The following MAT2B variants were observed in gnomAD, a reference collection of about 807,000 sequenced individuals.
The protein encoded by MAT2B is methionine adenosyltransferase 2 subunit beta.
A neutral mutation model predicts 36.1 loss-of-function variants in MAT2B; 16 were observed. The observed-to-expected ratio is 0.44, with a 90% CI of 0.30 to 0.67. MAT2B has a LOEUF of 0.67. Among genes scored for constraint, MAT2B ranks in the 30% least tolerant of loss-of-function variants. The pLI, the probability that MAT2B is intolerant of heterozygous loss-of-function variation, is 0.09. For missense variants in MAT2B, 332 were observed against 398.2 expected (o/e 0.83, Z 1.42); for synonymous variants, 148 against 136.9 (o/e 1.08, Z -0.57).
chr5:163,506,577 A>G (rs955449493), intron 1 of MAT2B, among the ~76,000 whole-genome samples: 5 of 152,194 alleles, frequency 3.3e-5, no homozygotes, highest in African/African-American at 1.2e-4. Flanking sequence ...TAGAGAATAT[A>G]GGAGATGGCT....
chr5:163,517,450 A>G (rs1408756117), intron 5 of MAT2B, 111 bp from the exon 6 acceptor site: 1 of 559,102 alleles, frequency 1.8e-6, no homozygotes, highest in Non-Finnish European at 3.3e-6. Flanking sequence ...CCAGAAAAAG[A>G]GGGTTGCCTT....
rs748792430 is a variant in MAT2B, at chr5:163,511,999, T to G, written c.64-3T>G. On this transcript the variant is annotated splice_region_variant and splice_polypyrimidine_tract_variant and intron_variant, in intron 1 of 6. Coordinates refer to ENST00000321757, the MANE Select transcript of MAT2B (RefSeq NM_013283.5). ...ACTCTTTCTATCCGCCTTCACCTTTTAGGAGGAAGTTAACATCCCTAATAG... is the reference window on the plus strand; with the variant it reads ...ACTCTTTCTATCCGCCTTCACCTTTGAGGAGGAAGTTAACATCCCTAATAG... 1.9e-6 allele frequency: 3 copies of G among 1,609,216 alleles called. No homozygotes were observed. In the East Asian group the frequency reaches 6.7e-5, roughly 36 times the overall value.
intron 1 of MAT2B, among the ~76,000 whole-genome samples, chr5:163,509,203 CTTCACAGAGTCAGTGAA>C (rs1287096453): frequency 2.0e-5 from 3 of 151,504 alleles, no homozygotes; most frequent in African/African-American, 7.3e-5. Flanking sequence ...TGAAACTGTA[CTTCACAGAGTCAGTGAA>C]GTACACAGAT....
intron 4 of MAT2B, among the ~76,000 whole-genome samples, chr5:163,516,163 AGCCTCCCAAGTAGCTGG>A (rs1255777716): frequency 1.3e-5 from 2 of 152,094 alleles, no homozygotes; most frequent in African/African-American, 4.8e-5. Context: ...TGCCTTACTC[AGCCTCCCAAGTAGCTGG>A]GACTACAGGC....
At chr5:163,508,160 C>T (rs1301029599) in intron 1 of MAT2B, among the ~76,000 whole-genome samples, 1 of 152,184 alleles carries the variant, frequency 6.6e-6, no homozygotes, top group Non-Finnish European at 1.5e-5. Flanking sequence ...AGCTTTTTCT[C>T]TTTTACTATA....
intron 1 of MAT2B, among the ~76,000 whole-genome samples, chr5:163,506,814 G>A (rs1001643302): frequency 1.3e-5 from 2 of 151,988 alleles, no homozygotes; most frequent in African/African-American, 4.8e-5. Flanking sequence ...AAGAAGTTCA[G>A]TATAAAAATG....
chr5:163,516,663 C>G lies in MAT2B; in HGVS notation c.672C>G (p.Val224=), dbSNP rs1472370288. 1 of 1,614,134 alleles carries G rather than the reference C, an allele frequency of 6.2e-7. No homozygotes were observed. Among genetic ancestry groups the G allele is most frequent in the South Asian group, 1.1e-5 (1 of 91,080 alleles). ...GGCAGCAGAGGTTCCCCACACATGTCAAAGATGTGGCCACTGTGTGCCGGC... is the reference window on the plus strand; with the variant it reads ...GGCAGCAGAGGTTCCCCACACATGTGAAAGATGTGGCCACTGTGTGCCGGC... The part of the protein sequence containing the change: ...DHWQQRFPTH[V]KDVATVCRQL... The change falls in exon 5 of 7, where the codon GTC becomes GTG. Residue 224 remains valine, a synonymous_variant. Transcript: ENST00000321757.
chr5:163,516,786 A>C (rs747364288), intron 5 of MAT2B, 75 bp downstream of exon 5: 1 of 1,526,408 alleles, frequency 6.6e-7, no homozygotes, highest in Non-Finnish European at 9.0e-7. Context: ...TCACAGCTGT[A>C]CTTGGAGTGT....
intron 1 of MAT2B, among the ~76,000 whole-genome samples, chr5:163,510,949 C>G (rs533081363): frequency 6.6e-6 from 1 of 152,126 alleles, no homozygotes; most frequent in Non-Finnish European, 1.5e-5. Flanking sequence ...GCAGATTTGA[C>G]GCAAATACTA....
intron 1 of MAT2B, among the ~76,000 whole-genome samples, chr5:163,506,957 T>TA (rs1759955764): frequency 6.6e-6 from 1 of 152,210 alleles, no homozygotes; most frequent in Non-Finnish European, 1.5e-5. Flanking sequence ...TAGTTAACGT[T>TA]AGAGAAGCAT....
intron 5 of MAT2B, 177 bp downstream of exon 5, chr5:163,516,888 T>C: frequency 1.6e-6 from 1 of 618,624 alleles, no homozygotes; most frequent in South Asian, 1.9e-5. Flanking sequence ...AATAAAAATA[T>C]TATGCTCTTC....
chr5:163,509,151 A>T (rs1759995626), intron 1 of MAT2B, among the ~76,000 whole-genome samples: 1 of 152,108 alleles, frequency 6.6e-6, no homozygotes, highest in South Asian at 2.1e-4. Flanking sequence ...AACTGTGACG[A>T]TTCATAAGAT....
chr5:163,510,594 A>G (rs1373775477), intron 1 of MAT2B, among the ~76,000 whole-genome samples: 1 of 151,934 alleles, frequency 6.6e-6, no homozygotes, highest in Non-Finnish European at 1.5e-5. Flanking sequence ...ATGGGGTTTC[A>G]CCATGTTGGC....
intron 5 of MAT2B, 50 bp from the exon 6 acceptor site, chr5:163,517,511 C>T (rs1243068251): frequency 1.8e-6 from 2 of 1,129,496 alleles, no homozygotes; most frequent in African/African-American, 1.5e-5. Context: ...ACCTATTCTA[C>T]TCAGCTCAAA....
At chr5:163,508,218 T>C (rs1011487162) in intron 1 of MAT2B, among the ~76,000 whole-genome samples, 1 of 152,172 alleles carries the variant, frequency 6.6e-6, no homozygotes, top group African/African-American at 2.4e-5. Flanking sequence ...TTGGAAATAA[T>C]ATCTCTTCTA....
upstream of MAT2B, chr5:163,505,559 C>A: frequency 8.0e-7 from 1 of 1,245,210 alleles, no homozygotes. Context: ...CAGCGGAAGC[C>A]GGAAGCGGCG....
chr5:163,518,190 A>G lies in MAT2B; in HGVS notation c.835-3A>G. On this transcript the variant is annotated splice_region_variant and splice_polypyrimidine_tract_variant and intron_variant, in intron 6 of 6. Coordinates refer to ENST00000321757, the MANE Select transcript of MAT2B (RefSeq NM_013283.5). The stretch of plus-strand genomic sequence containing the variant: ...ATTTTTTTGTGTTTATCTTTCTTTA[A>G]AGATTACTGACAGCCCTGTCCTAGG... 1.3e-6 allele frequency: 2 copies of G among 1,581,634 alleles called. No homozygotes were observed. Among genetic ancestry groups the G allele is most frequent in the Non-Finnish European group, 1.7e-6 (2 of 1,167,172 alleles).
At position 163,516,551 on chromosome 5, in the gene MAT2B, G is replaced by C; in HGVS notation, c.560G>C (p.Gly187Ala). 6.2e-7 allele frequency: 1 copy of C among 1,614,092 alleles called. No individual in the cohort carries two copies. Among genetic ancestry groups the C allele is most frequent in the South Asian group, 1.1e-5 (1 of 91,078 alleles). The change falls in exon 5 of 7, where the codon GGG becomes GCG. Residue 187 changes from glycine to alanine, a missense_variant. Physicochemically the swap from Gly to Ala is moderately conservative, Grantham distance 60. Coordinates refer to ENST00000321757, the MANE Select transcript of MAT2B (RefSeq NM_013283.5). ...AAVLRIPILY[G>A]EVEKLEESAV... is the part of the protein sequence containing the mutation. ...GTTTTGAGGATTCCTATTCTGTATG[G>C]GGAAGTTGAAAAGCTCGAAGAAAGT...
chr5:163,506,189 T>C (rs1759934326), intron 1 of MAT2B, among the ~76,000 whole-genome samples: 1 of 152,238 alleles, frequency 6.6e-6, no homozygotes, highest in African/African-American at 2.4e-5. Context: ...ATTGAACTCT[T>C]AAGTTCTCAG....
Sources: allele counts gnomAD v4.1 joint callset (sites outside exome capture counted in the v4.1 genomes callset), GRCh38; gene constraint gnomAD v4.1.1; transcripts MANE v1.5; gene names NCBI Gene and HGNC (gene_info 2026-07-23, HGNC 2026-07-21).